CSN2: variants seen among roughly 807,000 people sequenced by gnomAD.
CSN2 encodes beta-casein.
A neutral mutation model predicts 27.3 loss-of-function variants in CSN2; 27 were observed. The ratio of observed to expected loss-of-function variants is 0.99; its 90% CI spans 0.73 to 1.36. CSN2 has a LOEUF of 1.36. Among genes scored for constraint, CSN2 ranks in the 40% most tolerant of loss-of-function variants. The probability of loss-of-function intolerance (pLI) is 0.00; values close to 1 mark genes in which losing one functional copy is unlikely to be tolerated. For missense variants in CSN2, 333 were observed against 264.5 expected (o/e 1.26, Z -1.80); for synonymous variants, 131 against 94.8 (o/e 1.38, Z -2.22).
At chr4:69,962,296 A>G (rs1578146023) in intron 1 of CSN2, among the ~76,000 whole-genome samples, 1 of 152,190 alleles carries the variant, frequency 6.6e-6, no homozygotes, top group Non-Finnish European at 1.5e-5. Flanking sequence ...AGCCAAAAGA[A>G]CAAAGCTGGA....
chr4:69,955,981 A>G (rs770191161), intron 7 of CSN2, among the ~76,000 whole-genome samples: 1 of 152,108 alleles, frequency 6.6e-6, no homozygotes, highest in Non-Finnish European at 1.5e-5. Flanking sequence ...TAGGCTTTTG[A>G]CAAAAGCTCA....
chr4:69,957,979 G>C (rs1723460640), intron 5 of CSN2, among the ~76,000 whole-genome samples, 175 bp from the exon 6 acceptor site: 1 of 152,152 alleles, frequency 6.6e-6, no homozygotes, highest in Non-Finnish European at 1.5e-5. Context: ...TGAGTAAACT[G>C]TTTGTTGAAA....
At chr4:69,964,833 C>T (rs1276128532) in intron 1 of CSN2, among the ~76,000 whole-genome samples, 1 of 149,488 alleles carries the variant, frequency 6.7e-6, no homozygotes, top group Non-Finnish European at 1.5e-5. Context: ...CTAATATATA[C>T]TAATACTAAT....
chr4:69,965,221 C>T (rs1448051166), intron 1 of CSN2, among the ~76,000 whole-genome samples: 1 of 151,126 alleles, frequency 6.6e-6, no homozygotes, highest in Non-Finnish European at 1.5e-5. Flanking sequence ...CCATTCCCTC[C>T]ATTTCTCAAC....
chr4:69,963,602 G>T (rs1345321287), intron 1 of CSN2, among the ~76,000 whole-genome samples: 2 of 151,966 alleles, frequency 1.3e-5, no homozygotes, highest in African/African-American at 4.8e-5. Context: ...GGGGGGAGTG[G>T]GGAGGGATAG....
chr4:69,964,515 T>A (rs1238747779), intron 1 of CSN2, among the ~76,000 whole-genome samples: 1 of 152,008 alleles, frequency 6.6e-6, no homozygotes, highest in African/African-American at 2.4e-5. Flanking sequence ...CTTTTCAATA[T>A]TTGAAGGTTG....
rs1455072634 is a variant in CSN2, at chr4:69,960,086, G to A, written c.52-7C>T. On this transcript the variant is annotated splice_region_variant and splice_polypyrimidine_tract_variant and intron_variant, in intron 2 of 7. Coordinates refer to ENST00000353151, the MANE Select transcript of CSN2 (RefSeq NM_001891.4). Reference sequence around the variant, plus strand: ...TTGAAAGGCTTTCTATGGTCTGTGGGAAAAAAAAATTGACAACCAGCTAAA... The same window carrying A: ...TTGAAAGGCTTTCTATGGTCTGTGGAAAAAAAAAATTGACAACCAGCTAAA... 1.8e-5 allele frequency: 28 copies of A among 1,596,224 alleles called. No individual in the cohort carries two copies. The highest frequency in any genetic ancestry group is 2.1e-5 in the Non-Finnish European group (24 of 1,168,762).
chr4:69,960,906 A>T, intron 2 of CSN2, 39 bp downstream of exon 2: 1 of 1,550,862 alleles, frequency 6.4e-7, no homozygotes, highest in Non-Finnish European at 8.9e-7. Context: ...ATAGTCCACT[A>T]TTTATTGATT....
chr4:69,963,654 T>G (rs911814974), intron 1 of CSN2, among the ~76,000 whole-genome samples: 6 of 152,098 alleles, frequency 3.9e-5, no homozygotes, highest in African/African-American at 1.2e-4. Context: ...TGTTAATGGG[T>G]GCAGCACACC....
chr4:69,960,863 A>G lies in CSN2; in HGVS notation c.51+82T>C, dbSNP rs1723552263. ...TTCTTCATTATTTATACAGTAAAAA[A>G]TGTTGGTGATGTTATTCTCTACAAA... On this transcript the variant is annotated intron_variant, in intron 2 of 7. Transcript: ENST00000353151. The G allele has an allele frequency of 4.7e-6, 5 of 1,072,742 alleles. No individual in the cohort carries two copies. The Admixed American group carries it at 9.1e-5, about 19-fold the overall frequency. 66.5% of individuals were successfully genotyped at this position (1,072,742 alleles called of 1,614,324 possible).
At chr4:69,963,832 AG>A in intron 1 of CSN2, among the ~76,000 whole-genome samples, 1 of 152,320 alleles carries the variant, frequency 6.6e-6, no homozygotes, top group African/African-American at 2.4e-5. Context: ...GACACTGTCT[AG>A]GGACCAGGAC....
chr4:69,965,030 C>T (rs1723749984), intron 1 of CSN2, among the ~76,000 whole-genome samples: 1 of 151,596 alleles, frequency 6.6e-6, no homozygotes, highest in African/African-American at 2.4e-5. Flanking sequence ...AATTTTCTTA[C>T]AAAGTAAACC....
rs544047853 is a variant in CSN2, at chr4:69,960,989, C to T, written c.7G>A (p.Val3Ile). MK[V>I]LILACLVALA... Reference sequence around the variant, plus strand: ...GCCACCAGGCAGGCGAGGATGAGGACCTTCATGGCTACTAAGTCCTGTGAA... The same window carrying T: ...GCCACCAGGCAGGCGAGGATGAGGATCTTCATGGCTACTAAGTCCTGTGAA... Residue 3 changes from valine to isoleucine, a missense_variant, in exon 2 of 8, where the codon GTC becomes ATC. Coordinates refer to ENST00000353151, the MANE Select transcript of CSN2 (RefSeq NM_001891.4). 6.8e-6 allele frequency: 11 copies of T among 1,612,250 alleles called. No individual in the cohort carries two copies. The highest frequency in any genetic ancestry group is 9.3e-6 in the Non-Finnish European group (11 of 1,178,988).
At chr4:69,964,130 C>G (rs1043230414) in intron 1 of CSN2, among the ~76,000 whole-genome samples, 1 of 152,084 alleles carries the variant, frequency 6.6e-6, no homozygotes, top group South Asian at 2.1e-4. Flanking sequence ...CCCCACATAG[C>G]TAATAATGTC....
intron 3 of CSN2, among the ~76,000 whole-genome samples, chr4:69,959,747 C>T (rs776858): frequency 0.51 from 76,700 of 151,454 alleles, 20,581 homozygotes; most frequent in East Asian, 0.66. Flanking sequence ...CATAGAAGGC[C>T]GTCAGTATAT....
rs550928245 is a variant in CSN2 at position 69,957,434 on chromosome 4, G to A, written c.515C>T (p.Pro172Leu). 2.7e-5 allele frequency: 43 copies of A among 1,613,662 alleles called. No individual in the cohort carries two copies. In the South Asian group the frequency reaches 4.6e-4, roughly 17 times the overall value. ...GGGGATAGGCAGGACTTTGGGCTGA[G>A]GAACAGACCACAGGGGCTGAGGGGG... is the stretch of plus-strand genomic sequence containing the variant. ...ALPPQPLWSVPQPKVLPIPQQ... is the reference protein window; with the variant it reads ...ALPPQPLWSVLQPKVLPIPQQ... Residue 172 changes from proline to leucine, a missense_variant, in exon 6 of 8, where the codon CCT becomes CTT. Coordinates refer to ENST00000353151, the MANE Select transcript of CSN2 (RefSeq NM_001891.4).
At position 69,957,480 on chromosome 4, in the gene CSN2, T is replaced by C. The variant is rs1165889346; in HGVS notation, c.469A>G (p.Ile157Val). The C allele has an allele frequency of 3.7e-6, 6 of 1,613,612 alleles. No individual in the cohort carries two copies. Among genetic ancestry groups the C allele is most frequent in the Admixed American group, 1.7e-5 (1 of 59,860 alleles). ...GGGGGAAGTGCAAGAGTCTGAGGAA[T>C]AGGCTGAGGGACCTGCTGCATCAAG... ...QPLMQQVPQPIPQTLALPPQP... is the reference protein window; with the variant it reads ...QPLMQQVPQPVPQTLALPPQP... The change falls in exon 6 of 8, where the codon ATT (isoleucine) becomes GTT (valine). Residue 157 changes from isoleucine to valine, a missense_variant. Transcript: ENST00000353151.
Position 69,959,986 on chromosome 4 carries a change from G to A in CSN2, c.78+67C>T, listed in dbSNP as rs1413120287. ...ATAGCTGCATTAGCTTAACTGCCATGATGTAACACCATAGAAAAATAGCAC... is the reference window on the plus strand; with the variant it reads ...ATAGCTGCATTAGCTTAACTGCCATAATGTAACACCATAGAAAAATAGCAC... On this transcript the variant is annotated intron_variant, in intron 3 of 7. Coordinates refer to ENST00000353151, the MANE Select transcript of CSN2 (RefSeq NM_001891.4). 3.5e-6 allele frequency: 5 copies of A among 1,409,490 alleles called. No individual in the cohort carries two copies. The South Asian group carries it at 4.7e-5, about 13-fold the overall frequency. The allele number at this position is 1,409,490 out of a possible 1,614,324, so 87.3% of individuals were successfully genotyped here.
intron 2 of CSN2, 61 bp downstream of exon 2, chr4:69,960,884 A>G: frequency 7.7e-7 from 1 of 1,306,636 alleles, no homozygotes; most frequent in East Asian, 2.3e-5. Flanking sequence ...GTTATTCTCT[A>G]CAAATAAGCA....
Sources: allele counts gnomAD v4.1 joint callset (sites outside exome capture counted in the v4.1 genomes callset), GRCh38; gene constraint gnomAD v4.1.1; transcripts MANE v1.5; gene names NCBI Gene and HGNC (gene_info 2026-07-23, HGNC 2026-07-21).